Variants in KIAA1328 observed in about 807,000 individuals in gnomAD.
KIAA1328 encodes the protein KIAA1328, also known as protein hinderin.
A neutral mutation model predicts 68.1 loss-of-function variants in KIAA1328; 52 were observed. That is an observed-to-expected ratio of 0.76 (90% CI 0.61 to 0.96). The LOEUF (loss-of-function observed/expected upper bound fraction) is 0.96. Ranked by LOEUF, KIAA1328 falls within the 40% of genes least tolerant of loss-of-function variation. The pLI, the probability that KIAA1328 is intolerant of heterozygous loss-of-function variation, is 0.00. For synonymous variants in KIAA1328, 232 were observed against 239.4 expected, an observed-to-expected ratio of 0.97 and a Z score of 0.28; for missense variants, 641 against 677.6, an observed-to-expected ratio of 0.95 and a Z score of 0.60.
At chr18:37,026,528 AC>A (rs1382881075) in intron 6 of KIAA1328, among the ~76,000 whole-genome samples, 3 of 152,202 alleles carry the variant, frequency 2.0e-5, no homozygotes, top group African/African-American at 7.2e-5. Flanking sequence ...ATCCACCATG[AC>A]CAAGTGGTCT....
chr18:37,065,647 A>T (rs2056314052), intron 6 of KIAA1328, among the ~76,000 whole-genome samples: 1 of 152,170 alleles, frequency 6.6e-6, no homozygotes, highest in Admixed American at 6.5e-5. Context: ...AGCTGGATTC[A>T]TTTTCAGAAA....
chr18:37,038,018 G>T (rs555647663), intron 6 of KIAA1328, among the ~76,000 whole-genome samples: 2 of 152,102 alleles, frequency 1.3e-5, no homozygotes, highest in East Asian at 3.9e-4. Context: ...GCAGAATGGC[G>T]TGAACCCAGG....
intron 5 of KIAA1328, among the ~76,000 whole-genome samples, chr18:36,889,211 A>G (rs1207111811): frequency 6.6e-6 from 1 of 152,220 alleles, no homozygotes; most frequent in Non-Finnish European, 1.5e-5. Context: ...TGAATGTGCC[A>G]TTTACAAAGC....
chr18:37,009,769 TAAAAG>T (rs990994444), intron 6 of KIAA1328, among the ~76,000 whole-genome samples: 4 of 152,124 alleles, frequency 2.6e-5, no homozygotes, highest in African/African-American at 9.7e-5. Context: ...AGCCAAAAGA[TAAAAG>T]AAACTGAAGT....
chr18:36,980,298 A>G (rs1464400894), intron 6 of KIAA1328, among the ~76,000 whole-genome samples: 1 of 152,174 alleles, frequency 6.6e-6, no homozygotes, highest in Non-Finnish European at 1.5e-5. Flanking sequence ...GCAATAGACT[A>G]CTACATGCAC....
chr18:36,918,694 C>T lies in KIAA1328; in HGVS notation c.448+33022C>T, dbSNP rs369615239. Among the ~76,000 whole-genome samples, 57 of 152,230 alleles carry T rather than the reference C, an allele frequency of 3.7e-4. No homozygotes were observed. In the East Asian group the frequency reaches 0.01, roughly 27 times the overall value. On this transcript the variant is annotated intron_variant, in intron 5 of 9. Transcript: ENST00000280020. ...CCTCCCAAAGTGCTGGGATTACATG[C>T]GTGAGCCACTGCGCCCGGCCTTTCT...
intron 6 of KIAA1328, among the ~76,000 whole-genome samples, chr18:37,015,748 G>A (rs755474624): frequency 2.1e-4 from 32 of 151,974 alleles, no homozygotes; most frequent in Non-Finnish European, 4.3e-4. Context: ...GTATCTTTTT[G>A]TGTGTATGAG....
chr18:37,142,266 A>T (rs1262175276), intron 7 of KIAA1328, among the ~76,000 whole-genome samples: 1 of 152,096 alleles, frequency 6.6e-6, no homozygotes, highest in Non-Finnish European at 1.5e-5. Context: ...ATCTTGGCTT[A>T]CTGCATCCTC....
intron 5 of KIAA1328, among the ~76,000 whole-genome samples, chr18:36,945,573 A>G (rs2050870157): frequency 6.6e-6 from 1 of 152,198 alleles, no homozygotes; most frequent in African/African-American, 2.4e-5. Flanking sequence ...CAGTTAATAC[A>G]GTTTTATTGA....
intron 6 of KIAA1328, among the ~76,000 whole-genome samples, chr18:37,038,757 A>G (rs1340734559): frequency 6.6e-6 from 1 of 152,138 alleles, no homozygotes; most frequent in African/African-American, 2.4e-5. Flanking sequence ...AGACGTAAGA[A>G]TACACATATG....
chr18:37,059,934 C>T lies in KIAA1328; in HGVS notation c.577-6956C>T, dbSNP rs1261277283. Among the ~76,000 whole-genome samples the T allele has an allele frequency of 2.7e-5, 4 of 149,530 alleles. No homozygotes were observed. The Admixed American group carries it at 2.7e-4, about 10-fold the overall frequency. On this transcript the variant is annotated intron_variant, in intron 6 of 9. Transcript: ENST00000280020. ...AACCATCATTCTCAGCAAACTAACA[C>T]AGGAACAGAAAACCAAACACTACAT...
intron 7 of KIAA1328, among the ~76,000 whole-genome samples, chr18:37,133,740 T>G (rs2058579852): frequency 6.6e-6 from 1 of 152,134 alleles, no homozygotes; most frequent in East Asian, 1.9e-4. Flanking sequence ...TTAGCCAGGA[T>G]GGTCTCCATC....
At chr18:37,126,349 T>A (rs1453429895) in intron 7 of KIAA1328, among the ~76,000 whole-genome samples, 2 of 152,058 alleles carry the variant, frequency 1.3e-5, no homozygotes, top group Non-Finnish European at 2.9e-5. Flanking sequence ...ATAACTTAGA[T>A]GAAATAGAAA....
intron 5 of KIAA1328, among the ~76,000 whole-genome samples, chr18:36,893,465 TTG>T (rs141803952): frequency 3.4e-3 from 416 of 120,586 alleles, no homozygotes; most frequent in African/African-American, 7.7e-3. Context: ...GTGTGTGTTT[TTG>T]TGTGTGTGTG....
chr18:36,985,478 C>A (rs904598445), intron 6 of KIAA1328, among the ~76,000 whole-genome samples: 1 of 152,084 alleles, frequency 6.6e-6, no homozygotes, highest in African/African-American at 2.4e-5. Context: ...TATAAACCTA[C>A]AATATGGGAT....
At chr18:36,891,810 T>A (rs1371802873) in intron 5 of KIAA1328, among the ~76,000 whole-genome samples, 4 of 152,212 alleles carry the variant, frequency 2.6e-5, no homozygotes, top group Admixed American at 2.0e-4. Flanking sequence ...TTGTTTTCCT[T>A]TGGGTGGATA....
At chr18:36,974,597 G>A (rs576944219) in intron 6 of KIAA1328, among the ~76,000 whole-genome samples, 1 of 152,160 alleles carries the variant, frequency 6.6e-6, no homozygotes, top group East Asian at 1.9e-4. Flanking sequence ...GAATAGTGTT[G>A]CAATAAACAT....
At chr18:36,917,987 G>A (rs748111489) in intron 5 of KIAA1328, among the ~76,000 whole-genome samples, 1 of 150,742 alleles carries the variant, frequency 6.6e-6, no homozygotes, top group African/African-American at 2.4e-5. Flanking sequence ...TTTTGTTTTT[G>A]TTTTTTTTAA....
intron 4 of KIAA1328, among the ~76,000 whole-genome samples, chr18:36,844,557 C>T (rs934779280): frequency 4.6e-5 from 7 of 151,996 alleles, no homozygotes; most frequent in East Asian, 1.9e-4. Context: ...ATATTTGTAG[C>T]GGTCATCTAT....
Sources: gnomAD v4.1 joint callset for allele counts (sites outside exome capture counted in the v4.1 genomes callset) on GRCh38, gnomAD v4.1.1 for gene constraint, MANE v1.5 for transcripts, NCBI Gene and HGNC (gene_info 2026-07-23, HGNC 2026-07-21) for gene names.